The following XAF1 variants were observed in gnomAD, a reference collection of about 807,000 sequenced individuals.
XAF1 encodes the protein XIAP associated factor 1, also known as XIAP-associated factor 1.
XAF1 carries 32 observed loss-of-function variants against 32.3 expected under a neutral mutation model. The observed-to-expected ratio is 0.99, with a 90% confidence interval of 0.75 to 1.33. The LOEUF is 1.33. Among genes scored for constraint, XAF1 ranks in the 40% most tolerant of loss-of-function variants. XAF1 has a pLI of 0.00. For missense variants in XAF1, 379 were observed against 366.0 expected (o/e 1.04, Z -0.29); for synonymous variants, 120 against 125.9 (o/e 0.95, Z 0.31).
chr17:6,768,608 T>A (rs1218587739), intron 5 of XAF1, among the ~76,000 whole-genome samples: 3 of 152,228 alleles, frequency 2.0e-5, no homozygotes, highest in African/African-American at 7.2e-5. Context: ...TGAATGATAG[T>A]TTAGCTGGAT....
At position 6,762,222 on chromosome 17, in the gene XAF1, T is replaced by C. The variant is rs1567652767; in HGVS notation, c.489T>C (p.Asn163=). 2 of 1,612,814 alleles carry C rather than the reference T, an allele frequency of 1.2e-6. No individual in the cohort carries two copies. The highest frequency in any genetic ancestry group is 1.1e-5 in the South Asian group (1 of 90,926). The change falls in exon 5 of 7, where the codon AAT becomes AAC. Residue 163 remains asparagine (N), a synonymous_variant. Coordinates refer to ENST00000361842, the MANE Select transcript of XAF1 (RefSeq NM_017523.5). ...ATTGCAACCAAATGATTCCAGAAAA[T>C]AAGTATTTCCACCATATGGTGAGTA... is the stretch of plus-strand genomic sequence containing the variant. ...CHYCNQMIPE[N]KYFHHMGKCC...
intron 5 of XAF1, among the ~76,000 whole-genome samples, chr17:6,766,097 C>G (rs2151548982): frequency 6.6e-6 from 1 of 152,286 alleles, no homozygotes; most frequent in African/African-American, 2.4e-5. Context: ...CCACCCTACT[C>G]CAGGAGCTAA....
Position 6,770,915 on chromosome 17 carries a change from C to T in XAF1, c.780C>T (p.Ala260=). ...GCTCCCCTAGAGGAGATAAAGCAGC[C>T]TATGACATTCTGAGGAGATGTTCTC... is the stretch of plus-strand genomic sequence containing the variant. ...RTSSPRGDKA[A]YDILRRCSQC... is the part of the protein sequence containing the mutation. Residue 260 remains alanine, a synonymous_variant, in exon 6 of 7, where the codon GCC becomes GCT. Coordinates refer to ENST00000361842, the MANE Select transcript of XAF1 (RefSeq NM_017523.5). 6.2e-7 allele frequency: 1 copy of T among 1,614,132 alleles called. No individual in the cohort carries two copies. The highest frequency in any genetic ancestry group is 8.5e-7 in the Non-Finnish European group (1 of 1,180,006).
intron 2 of XAF1, chr17:6,758,955 T>C: frequency 4.0e-6 from 1 of 249,604 alleles, no homozygotes; most frequent in Non-Finnish European, 7.7e-6. Flanking sequence ...CAGTCCTCCC[T>C]GCAGGTGAGA....
chr17:6,759,415 G>A (rs1417432705), intron 2 of XAF1: 3 of 1,383,098 alleles, frequency 2.2e-6, no homozygotes, highest in Non-Finnish European at 2.8e-6. Flanking sequence ...TGGGGCCCCT[G>A]ATCTGTCTCT....
chr17:6,757,940 A>G (rs987647871), intron 1 of XAF1, 149 bp from the exon 2 acceptor site: 50 of 1,077,128 alleles, frequency 4.6e-5, no homozygotes, highest in Non-Finnish European at 6.5e-5. Flanking sequence ...TTGGACCCAC[A>G]CAGGGAGTGT....
chr17:6,773,087 A>C, intron 6 of XAF1, 26 bp from the exon 7 acceptor site: 2 of 1,600,268 alleles, frequency 1.2e-6, no homozygotes, highest in East Asian at 4.5e-5. Context: ...TAACCATATC[A>C]AACTTTTTTT....
intron 1 of XAF1, 128 bp from the exon 2 acceptor site, chr17:6,757,961 G>A (rs1974825551): frequency 2.4e-6 from 3 of 1,272,368 alleles, no homozygotes; most frequent in African/African-American, 3.0e-5. Context: ...GGGGCAGGTG[G>A]TGTCATCATC....
In XAF1 at chr17:6,770,720, A is replaced by G; in HGVS notation, c.585A>G (p.Pro195=). 1.2e-6 allele frequency: 2 copies of G among 1,613,774 alleles called. No individual in the cohort carries two copies. The highest frequency in any genetic ancestry group is 1.7e-6 in the Non-Finnish European group (2 of 1,179,950). ...GNPEILPSSL[P]SQAAENQTST... ...CAGAAATTCTTCCTTCATCTCTTCC[A>G]AGTCAAGCTGCTGAAAATCAAACTT... The change falls in exon 6 of 7, where the codon CCA becomes CCG. Residue 195 remains proline (P), a synonymous_variant. Transcript: ENST00000361842.
rs115183328 is a variant in XAF1 at position 6,763,338 on chromosome 17, A to C, written c.507+1098A>C. ...TTTTAATGGCCTTTTCTTTTCTTTT[A>C]TTTTTTTGAGACAGGGTCTCACTCT... On this transcript the variant is annotated intron_variant, in intron 5 of 6. Coordinates refer to ENST00000361842, the MANE Select transcript of XAF1 (RefSeq NM_017523.5). 6.7e-3 allele frequency among the ~76,000 whole-genome samples: 1,008 copies of C among 150,522 alleles called. 12 individuals are homozygous for C. Among genetic ancestry groups the C allele is most frequent in the African/African-American group, 0.023 (954 of 40,912 alleles).
At chr17:6,761,828 G>A in intron 4 of XAF1, 1 of 1,356,318 alleles carries the variant, frequency 7.4e-7, no homozygotes, top group Non-Finnish European at 9.7e-7. Context: ...CAATGAAAGA[G>A]CACAGTCAGA....
Position 6,760,616 on chromosome 17 carries a change from T to C in XAF1, c.421+15T>C, listed in dbSNP as rs770338031. 13 of 1,598,980 alleles carry C rather than the reference T, an allele frequency of 8.1e-6. No homozygotes were observed. The South Asian group carries it at 1.4e-4, about 18-fold the overall frequency. On this transcript the variant is annotated intron_variant, in intron 4 of 6. Coordinates refer to ENST00000361842, the MANE Select transcript of XAF1 (RefSeq NM_017523.5). ...GCTCGGGAAAGGTAAGCACACAAAC[T>C]GGGGTGGAAGAGAGACGTTCCAAGG...
At chr17:6,755,660 C>A, upstream of XAF1, 1 of 1,033,494 alleles carries the variant, frequency 9.7e-7, no homozygotes, top group Non-Finnish European at 1.2e-6. Context: ...TGGCAAGTTC[C>A]CTCTTTCCTG....
chr17:6,770,920 A>G lies in XAF1; in HGVS notation c.785A>G (p.Asp262Gly), dbSNP rs943293566. Residue 262 changes from aspartate to glycine, a missense_variant, in exon 6 of 7, where the codon GAC becomes GGC. Physicochemically the swap from Asp to Gly is moderately conservative, Grantham distance 94. Coordinates refer to ENST00000361842, the MANE Select transcript of XAF1 (RefSeq NM_017523.5). Reference sequence around the variant, plus strand: ...CCTAGAGGAGATAAAGCAGCCTATGACATTCTGAGGAGATGTTCTCAGTGT... The same window carrying G: ...CCTAGAGGAGATAAAGCAGCCTATGGCATTCTGAGGAGATGTTCTCAGTGT... ...SSPRGDKAAY[D>G]ILRRCSQCGI... 4.3e-6 allele frequency: 7 copies of G among 1,614,040 alleles called. No homozygotes were observed. The highest frequency in any genetic ancestry group is 1.1e-5 in the South Asian group (1 of 91,074).
intron 6 of XAF1, chr17:6,771,299 A>G (rs894287397): frequency 1.5e-5 from 4 of 259,110 alleles, no homozygotes; most frequent in African/African-American, 2.2e-5. Flanking sequence ...TGTTGAGTAA[A>G]TGAATGAATC....
chr17:6,771,991 A>T (rs1324395752), intron 6 of XAF1: 1 of 152,212 alleles, frequency 6.6e-6, no homozygotes, highest in Non-Finnish European at 1.5e-5. Context: ...TTACTCTGCC[A>T]CATGCCTTTT....
chr17:6,759,179 G>C (rs1192166436), intron 2 of XAF1: 3 of 1,022,186 alleles, frequency 2.9e-6, no homozygotes, highest in Non-Finnish European at 3.5e-6. Flanking sequence ...CCCATGGAAA[G>C]GAAATGTTAA....
chr17:6,770,257 A>G (rs1440261164), intron 5 of XAF1, among the ~76,000 whole-genome samples: 4 of 152,256 alleles, frequency 2.6e-5, no homozygotes, highest in Non-Finnish European at 4.4e-5. Context: ...GCCTCCTAGC[A>G]TGGTAGAAAG....
chr17:6,771,023 C>A, intron 6 of XAF1, 39 bp downstream of exon 6: 4 of 1,593,998 alleles, frequency 2.5e-6, no homozygotes, highest in Non-Finnish European at 3.4e-6. Context: ...TTCTGGGAAC[C>A]ATCCGCACAG....
Sources: allele counts gnomAD v4.1 joint callset (sites outside exome capture counted in the v4.1 genomes callset), GRCh38; gene constraint gnomAD v4.1.1; transcripts MANE v1.5; gene names NCBI Gene and HGNC (gene_info 2026-07-23, HGNC 2026-07-21).